The following OCA2 variants were observed in gnomAD, a reference collection of about 807,000 sequenced individuals.
OCA2 encodes the protein P protein.
In OCA2, 77 loss-of-function variants were observed where a neutral mutation model predicts 100.2. That is an observed-to-expected ratio of 0.77 (90% confidence interval 0.64 to 0.93). The LOEUF (loss-of-function observed/expected upper bound fraction) is 0.93, where lower values mean the gene tolerates loss of function less well. OCA2 is among the 40% of genes least tolerant of loss of function. The probability of loss-of-function intolerance (pLI) is 0.00; values close to 1 mark genes in which losing one functional copy is unlikely to be tolerated. For missense variants in OCA2, 1,062 were observed against 1,089.1 expected (o/e 0.98, Z 0.35); for synonymous variants, 432 against 439.2 (o/e 0.98, Z 0.21).
In OCA2 at chr15:28,049,331, G is replaced by T. The variant is rs1156668440; in HGVS notation, c.228-17168C>A. ...AATAAAAAAAGGAATATAAATGTTGGTGAGTATATAGAGAAACCAGAACTC... is the reference window on the plus strand; with the variant it reads ...AATAAAAAAAGGAATATAAATGTTGTTGAGTATATAGAGAAACCAGAACTC... On this transcript the variant is annotated intron_variant, in intron 2 of 23. Transcript: ENST00000354638. 3.9e-5 allele frequency among the ~76,000 whole-genome samples: 6 copies of T among 152,170 alleles called. No individual in the cohort carries two copies. In the East Asian group the frequency reaches 1.2e-3, roughly 29 times the overall value.
chr15:27,758,418 C>T (rs2030559403), intron 23 of OCA2, among the ~76,000 whole-genome samples: 1 of 152,206 alleles, frequency 6.6e-6, no homozygotes, highest in African/African-American at 2.4e-5. Flanking sequence ...TGTAGCAAGC[C>T]CCTCTCCTGT....
intron 2 of OCA2, among the ~76,000 whole-genome samples, chr15:28,066,834 G>A (rs144138941): frequency 5.3e-5 from 8 of 152,226 alleles, no homozygotes; most frequent in East Asian, 1.9e-4. Context: ...AACTTTGGTC[G>A]CCACAACCTT....
At chr15:27,808,820 G>A (rs924316) in intron 23 of OCA2, among the ~76,000 whole-genome samples, 105,707 of 151,484 alleles carry the variant, frequency 0.7, 37,750 homozygotes, top group East Asian at 1. Flanking sequence ...CTATGGAATT[G>A]TCACAAGCTT....
At chr15:27,882,059 T>C (rs991415610) in intron 19 of OCA2, among the ~76,000 whole-genome samples, 8 of 152,186 alleles carry the variant, frequency 5.3e-5, no homozygotes, top group African/African-American at 1.7e-4. Context: ...CCAGAGGTTT[T>C]CTTTGTTCTC....
intron 23 of OCA2, among the ~76,000 whole-genome samples, chr15:27,800,863 G>A (rs1595433421): frequency 6.6e-6 from 1 of 152,048 alleles, no homozygotes; most frequent in Admixed American, 6.5e-5. Context: ...AGTTACTCAG[G>A]AGGCTGAAGT....
intron 19 of OCA2, among the ~76,000 whole-genome samples, chr15:27,916,502 A>G (rs1346267839): frequency 6.6e-6 from 1 of 152,218 alleles, no homozygotes; most frequent in Non-Finnish European, 1.5e-5. Context: ...GACACTTAGC[A>G]TTTCAAATCC....
intron 23 of OCA2, among the ~76,000 whole-genome samples, chr15:27,809,236 A>T (rs1428553045): frequency 6.6e-6 from 1 of 152,246 alleles, no homozygotes; most frequent in Non-Finnish European, 1.5e-5. Flanking sequence ...GAACACTGGC[A>T]TTCTTTCCTC....
At chr15:27,953,794 G>A (rs1595710163) in intron 17 of OCA2, among the ~76,000 whole-genome samples, 1 of 151,704 alleles carries the variant, frequency 6.6e-6, no homozygotes, top group African/African-American at 2.4e-5. Flanking sequence ...AGGAAGACAG[G>A]TGATGTTTGG....
chr15:27,825,678 G>A (rs35934407), intron 23 of OCA2, among the ~76,000 whole-genome samples: 20,316 of 152,198 alleles, frequency 0.13, 2,082 homozygotes, highest in Non-Finnish European at 0.21. Context: ...GGCCTCCATG[G>A]GGCTACCTTT....
intron 6 of OCA2, among the ~76,000 whole-genome samples, chr15:28,018,831 T>C (rs2042492007): frequency 1.3e-5 from 2 of 152,082 alleles, no homozygotes; most frequent in African/African-American, 4.8e-5. Flanking sequence ...GCTCCAAAGA[T>C]GGAGGGAGGC....
At chr15:27,936,506 T>C (rs899415833) in intron 18 of OCA2, among the ~76,000 whole-genome samples, 3 of 152,170 alleles carry the variant, frequency 2.0e-5, no homozygotes, top group Non-Finnish European at 2.9e-5. Context: ...TTTATAATCT[T>C]CGTGTCTTCC....
At chr15:28,080,125 T>C (rs1164889971) in intron 2 of OCA2, among the ~76,000 whole-genome samples, 2 of 152,160 alleles carry the variant, frequency 1.3e-5, no homozygotes, top group Non-Finnish European at 2.9e-5. Flanking sequence ...TGCCTCCCCA[T>C]GCACAGGCCA....
At chr15:27,929,874 T>C (rs1452120532) in intron 18 of OCA2, among the ~76,000 whole-genome samples, 1 of 133,000 alleles carries the variant, frequency 7.5e-6, no homozygotes, top group Non-Finnish European at 1.7e-5. Context: ...TGACAAATGA[T>C]TACATGAAAA....
At chr15:27,983,208 G>C in intron 14 of OCA2, 137 bp downstream of exon 14, 1 of 1,041,924 alleles carries the variant, frequency 9.6e-7, no homozygotes, top group Non-Finnish European at 1.5e-6. Flanking sequence ...TCCCAGTCTT[G>C]AGATGCCCAG....
At chr15:27,933,543 C>T (rs533708351) in intron 18 of OCA2, among the ~76,000 whole-genome samples, 4 of 152,220 alleles carry the variant, frequency 2.6e-5, no homozygotes, top group East Asian at 3.9e-4. Context: ...TGGGTGCAGG[C>T]GAGCTGAGTT....
the OCA2 span, among the ~76,000 whole-genome samples, chr15:27,727,267 G>A: frequency 1.3e-5 from 2 of 152,200 alleles, no homozygotes; most frequent in African/African-American, 4.8e-5. Flanking sequence ...ACAGCTGCCT[G>A]TACATCAACT....
At chr15:27,920,790 T>A (rs2038828677) in intron 19 of OCA2, among the ~76,000 whole-genome samples, 1 of 151,958 alleles carries the variant, frequency 6.6e-6, no homozygotes, top group Non-Finnish European at 1.5e-5. Context: ...CATGAGGGAC[T>A]CAATATAATA....
At chr15:27,994,967 G>C (rs1006456874) in intron 9 of OCA2, among the ~76,000 whole-genome samples, 1 of 152,152 alleles carries the variant, frequency 6.6e-6, no homozygotes, top group Non-Finnish European at 1.5e-5. Context: ...GATAGCTAAA[G>C]TTATATCAGA....
At position 27,871,441 on chromosome 15, in the gene OCA2, T is replaced by C. The variant is rs75834462; in HGVS notation, c.2140-183A>G. On this transcript the variant is annotated intron_variant, in intron 20 of 23. Transcript: ENST00000354638. ...ACACCAGGAGCCTCTGCTGGGTTTC[T>C]ACCAGCAAAGCCCAGCCATGCCCAG... Among the ~76,000 whole-genome samples the C allele has an allele frequency of 0.045, 6,799 of 152,276 alleles. 246 individuals carry two copies. The highest frequency in any genetic ancestry group is 0.1 in the African/African-American group (4,212 of 41,552).
Sources: allele counts gnomAD v4.1 joint callset (sites outside exome capture counted in the v4.1 genomes callset), GRCh38; gene constraint gnomAD v4.1.1; transcripts MANE v1.5; gene names NCBI Gene and HGNC (gene_info 2026-07-23, HGNC 2026-07-21).